Variants in DAB1 observed in about 807,000 individuals in gnomAD.
DAB1 encodes DAB adaptor protein 1.
Under a neutral mutation model 64.6 loss-of-function variants are expected in DAB1, and 15 were observed. The observed-to-expected ratio is 0.23, with a 90% CI of 0.16 to 0.36. The LOEUF (loss-of-function observed/expected upper bound fraction) is 0.36. DAB1 is among the 10% of genes least tolerant of loss of function. The pLI is 1.00. For missense variants in DAB1, 596 were observed against 706.7 expected (o/e 0.84, Z 1.78); for synonymous variants, 235 against 251.9 (o/e 0.93, Z 0.64).
At chr1:57,160,774 A>G (rs565004270) in intron 2 of DAB1, among the ~76,000 whole-genome samples, 1 of 152,230 alleles carries the variant, frequency 6.6e-6, no homozygotes, top group African/African-American at 2.4e-5. Context: ...ATCTCACTAC[A>G]ATTGAGGAAA....
intron 6 of DAB1, among the ~76,000 whole-genome samples, chr1:57,745,508 A>C (rs566058438): frequency 6.6e-6 from 1 of 152,182 alleles, no homozygotes; most frequent in South Asian, 2.1e-4. Context: ...CTGGAATTGA[A>C]TTATACTACA....
chr1:57,951,039 G>A (rs367975543), intron 5 of DAB1, among the ~76,000 whole-genome samples: 82 of 152,202 alleles, frequency 5.4e-4, no homozygotes, highest in African/African-American at 1.8e-3. Flanking sequence ...TTGGAAGTAC[G>A]CTACTCTGAT....
intron 4 of DAB1, among the ~76,000 whole-genome samples, chr1:58,264,172 T>C (rs956342012): frequency 8.5e-5 from 13 of 152,240 alleles, no homozygotes; most frequent in African/African-American, 3.1e-4. Flanking sequence ...GGATACCTCA[T>C]AGGGTTGTTG....
intron 4 of DAB1, among the ~76,000 whole-genome samples, chr1:58,339,759 C>CT (rs1395418945): frequency 7.9e-5 from 12 of 152,150 alleles, no homozygotes; most frequent in African/African-American, 2.9e-4. Context: ...TTCTGGAAGA[C>CT]TTTAAGATAA....
chr1:57,885,133 C>T (rs17579352), upstream of DAB1, among the ~76,000 whole-genome samples: 3,971 of 152,250 alleles, frequency 0.026, 81 homozygotes, highest in Middle Eastern at 0.051. Flanking sequence ...ATCTTTATCT[C>T]AATAGATGTT....
chr1:57,746,105 T>C (rs1011533322), intron 6 of DAB1, among the ~76,000 whole-genome samples: 1 of 152,196 alleles, frequency 6.6e-6, no homozygotes, highest in African/African-American at 2.4e-5. Context: ...TACAGGTGGT[T>C]TAAATGTTTT....
intron 1 of DAB1, among the ~76,000 whole-genome samples, chr1:57,360,320 G>A (rs1446514482): frequency 6.6e-6 from 1 of 152,004 alleles, no homozygotes; most frequent in Non-Finnish European, 1.5e-5. Flanking sequence ...CAAAAGGAGG[G>A]GTTAAAACAA....
chr1:58,376,398 C>T (rs1288252678), intron 3 of DAB1, among the ~76,000 whole-genome samples: 6 of 134,502 alleles, frequency 4.5e-5, no homozygotes, highest in Non-Finnish European at 8.2e-5. Flanking sequence ...TCATTGGTTT[C>T]AAAGAACATC....
intron 5 of DAB1, among the ~76,000 whole-genome samples, chr1:57,977,629 A>G (rs1208026793): frequency 2.0e-5 from 3 of 152,162 alleles, no homozygotes; most frequent in African/African-American, 4.8e-5. Flanking sequence ...ATATATACAC[A>G]TCTCTGAAAG....
intron 7 of DAB1, among the ~76,000 whole-genome samples, chr1:57,470,731 A>T (rs896706492): frequency 1.1e-4 from 17 of 152,218 alleles, no homozygotes; most frequent in Admixed American, 6.5e-5. Flanking sequence ...ATAGCCATCA[A>T]ATATTGTCCT....
chr1:57,536,603 T>A (rs189512985), intron 7 of DAB1, among the ~76,000 whole-genome samples: 1 of 123,890 alleles, frequency 8.1e-6, no homozygotes, highest in Admixed American at 8.6e-5. Context: ...GGTCTTGGAG[T>A]GCTGACATCC....
intron 3 of DAB1, among the ~76,000 whole-genome samples, chr1:58,353,309 G>T (rs1010661339): frequency 2.7e-4 from 41 of 152,266 alleles, no homozygotes; most frequent in African/African-American, 9.4e-4. Flanking sequence ...GTTTTGAGTT[G>T]ATTTCATTCC....
At chr1:58,251,526 T>A (rs562741103) in intron 4 of DAB1, among the ~76,000 whole-genome samples, 1 of 152,276 alleles carries the variant, frequency 6.6e-6, no homozygotes, top group Non-Finnish European at 1.5e-5. Context: ...CTGAGATCTG[T>A]ATGATAAGGA....
intron 4 of DAB1, among the ~76,000 whole-genome samples, chr1:58,212,042 T>G (rs1234737163): frequency 6.6e-6 from 1 of 152,178 alleles, no homozygotes; most frequent in Non-Finnish European, 1.5e-5. Context: ...GGGTTAAGCA[T>G]CACCTCACTG....
intron 5 of DAB1, among the ~76,000 whole-genome samples, chr1:57,987,747 C>A (rs1409188695): frequency 6.6e-6 from 1 of 152,022 alleles, no homozygotes; most frequent in East Asian, 1.9e-4. Context: ...TGCTGGCGCT[C>A]AGAGAGAAGT....
intron 2 of DAB1, among the ~76,000 whole-genome samples, chr1:57,173,119 A>T (rs946069351): frequency 2.6e-5 from 4 of 152,166 alleles, no homozygotes; most frequent in African/African-American, 7.2e-5. Context: ...TAGTGATCAG[A>T]GGTGCCACAC....
intron 1 of DAB1, among the ~76,000 whole-genome samples, chr1:57,388,947 C>T (rs1205921962): frequency 6.6e-6 from 1 of 152,212 alleles, no homozygotes; most frequent in East Asian, 1.9e-4. Flanking sequence ...CATTCAGGGC[C>T]CTTGAAGCTG....
chr1:57,757,624 C>A (rs1024614280), intron 6 of DAB1, among the ~76,000 whole-genome samples: 1 of 152,068 alleles, frequency 6.6e-6, no homozygotes, highest in Non-Finnish European at 1.5e-5. Context: ...TTTAATAAGA[C>A]CATCAGTCAT....
At chr1:57,958,202 T>G (rs927658610) in intron 5 of DAB1, among the ~76,000 whole-genome samples, 1 of 152,122 alleles carries the variant, frequency 6.6e-6, no homozygotes, top group Non-Finnish European at 1.5e-5. Context: ...GGTCTCGAAC[T>G]CCTGACCTCA....
Sources: gnomAD v4.1 joint callset for allele counts (sites outside exome capture counted in the v4.1 genomes callset) on GRCh38, gnomAD v4.1.1 for gene constraint, MANE v1.5 for transcripts, NCBI Gene and HGNC (gene_info 2026-07-23, HGNC 2026-07-21) for gene names.